PHF1: variants seen among roughly 807,000 people sequenced by gnomAD.
PHF1 encodes polycomb-like 1.
Under a neutral mutation model 69.4 loss-of-function variants are expected in PHF1, and 16 were observed. The ratio of observed to expected loss-of-function variants is 0.23; its 90% CI spans 0.16 to 0.35. The LOEUF is 0.35. Ranked by LOEUF, PHF1 falls within the 10% of genes least tolerant of loss-of-function variation. The pLI, the probability that PHF1 is intolerant of heterozygous loss-of-function variation, is 1.00. For missense variants in PHF1, 515 were observed against 732.8 expected (o/e 0.70, Z 3.43); for synonymous variants, 274 against 275.0 (o/e 1.00, Z 0.04).
Position 33,415,709 on chromosome 6 carries a change from C to T in PHF1, c.1415+39C>T, listed in dbSNP as rs766736003. ...TTCTATTACCAGTGATGCTCTTCTT[C>T]CCCTCTATGTGCTCAAGGCTCTTAG... is the stretch of plus-strand genomic sequence containing the variant. On this transcript the variant is annotated intron_variant, in intron 14 of 14. Coordinates refer to ENST00000374516, the MANE Select transcript of PHF1 (RefSeq NM_024165.3). 22 of 1,609,474 alleles carry T rather than the reference C, an allele frequency of 1.4e-5. No individual in the cohort carries two copies. The Admixed American group carries it at 3.3e-4, about 24-fold the overall frequency.
rs756793916 is a variant in PHF1 at position 33,414,529 on chromosome 6, A to G, written c.929A>G (p.Asn310Ser). Reference protein sequence around the residue: ...ERSSRLLSALNSHKDRFISGR... With the variant: ...ERSSRLLSALSSHKDRFISGR... ...TCTTCCAGGCTCCTCTCTGCTCTTA[A>G]CAGCCACAAGGACCGGTGAGTTGGA... The change falls in exon 10 of 15, where the codon AAC (asparagine) becomes AGC (serine). Residue 310 changes from asparagine to serine, a missense_variant. Physicochemically the swap from Asn to Ser is conservative, Grantham distance 46. Coordinates refer to ENST00000374516, the MANE Select transcript of PHF1 (RefSeq NM_024165.3). This position sits in a 1 kb window ranked among gnomAD's most constrained non-coding sequence, Gnocchi z 5.0. The G allele has an allele frequency of 1.2e-6, 2 of 1,613,734 alleles. No homozygotes were observed. Among genetic ancestry groups the G allele is most frequent in the African/African-American group, 1.3e-5 (1 of 74,890 alleles).
At position 33,413,597 on chromosome 6, in the gene PHF1, G is replaced by A. The variant is rs375421810; in HGVS notation, c.587+40G>A. On this transcript the variant is annotated intron_variant, in intron 6 of 14. Transcript: ENST00000374516. ...GGGAGCAGACTGTGGAATGAATGAT[G>A]TGGTGGTGGATCCCAGGAAATGAAG... The A allele has an allele frequency of 1.4e-4, 227 of 1,612,562 alleles. No individual in the cohort carries two copies. The Middle Eastern group carries it at 2.1e-3, about 15-fold the overall frequency.
In PHF1 at chr6:33,414,003, C is replaced by T. The variant is rs377166111; in HGVS notation, c.684-38C>T. 4.9e-5 allele frequency: 79 copies of T among 1,612,452 alleles called. No individual in the cohort carries two copies. The Middle Eastern group carries it at 8.9e-4, about 18-fold the overall frequency. On this transcript the variant is annotated intron_variant, in intron 7 of 14. Transcript: ENST00000374516. The surrounding 1 kb of genome is among the most constrained non-coding windows in gnomAD (Gnocchi z 5.0). ...TCTTCCAGGGGATGGCACAGTTTTC[C>T]TGTGTAAGTGTGTTTGCTCCCTCTT...
Position 33,414,900 on chromosome 6 carries a change from G to A in PHF1, c.1050-55G>A. ...CTGGGGGGTATATGTATAGAGATGG[G>A]GAGGTCTTGGGGGTGTCCGGGAGGG... is the stretch of plus-strand genomic sequence containing the variant. On this transcript the variant is annotated intron_variant, in intron 11 of 14. Transcript: ENST00000374516. The surrounding 1 kb of genome is among the most constrained non-coding windows in gnomAD (Gnocchi z 5.0). 1.3e-6 allele frequency: 2 copies of A among 1,543,466 alleles called. No individual in the cohort carries two copies. The highest frequency in any genetic ancestry group is 1.8e-6 in the Non-Finnish European group (2 of 1,141,292).
chr6:33,415,099 G>A lies in PHF1; in HGVS notation c.1194G>A (p.Glu398=), dbSNP rs757243741. ...GPPSAVRNQP[E]PQEQRERAHL... The stretch of plus-strand genomic sequence containing the variant: ...CCTCAGCAGTGCGCAATCAGCCCGA[G>A]CCCCAGGAGCAGAGGGAGCGGGCTC... The change falls in exon 12 of 15, where the codon GAG becomes GAA. Residue 398 remains glutamate, a synonymous_variant. Transcript: ENST00000374516. 31 of 1,613,348 alleles carry A rather than the reference G, an allele frequency of 1.9e-5. No individual in the cohort carries two copies. The highest frequency in any genetic ancestry group is 2.5e-5 in the Non-Finnish European group (30 of 1,179,664).
Position 33,414,697 on chromosome 6 carries a change from C to T in PHF1, c.945-28C>T. 1 of 1,584,302 alleles carries T rather than the reference C, an allele frequency of 6.3e-7. No individual in the cohort carries two copies. Among genetic ancestry groups the T allele is most frequent in the Non-Finnish European group, 8.7e-7 (1 of 1,153,760 alleles). ...GAGGAACCGTTTTTTACAGCACTGACCCTATATCATTTCTCTTCTTGCCCC... is the reference window on the plus strand; with the variant it reads ...GAGGAACCGTTTTTTACAGCACTGATCCTATATCATTTCTCTTCTTGCCCC... On this transcript the variant is annotated intron_variant, in intron 10 of 14. Coordinates refer to ENST00000374516, the MANE Select transcript of PHF1 (RefSeq NM_024165.3). The surrounding 1 kb of genome is among the most constrained non-coding windows in gnomAD (Gnocchi z 5.0).
chr6:33,414,643 G>A lies in PHF1; in HGVS notation c.945-82G>A, dbSNP rs1776304976. On this transcript the variant is annotated intron_variant, in intron 10 of 14. Transcript: ENST00000374516. This position sits in a 1 kb window ranked among gnomAD's most constrained non-coding sequence, Gnocchi z 5.0. The stretch of plus-strand genomic sequence containing the variant: ...GCTTGCAACCCACCTGGAAGACTGT[G>A]ACTGAAAAGGATTGAGGAATGGCGT... The A allele has an allele frequency of 7.0e-7, 1 of 1,431,532 alleles. No homozygotes were observed. Among genetic ancestry groups the A allele is most frequent in the Non-Finnish European group, 9.7e-7 (1 of 1,026,458 alleles). 88.7% of individuals were successfully genotyped at this position (1,431,532 alleles called of 1,614,324 possible).
Position 33,416,431 on chromosome 6 carries a change from A to G in PHF1, c.*333A>G, listed in dbSNP as rs1376768925. On this transcript the variant is annotated 3_prime_UTR_variant, in exon 15 of 15. Transcript: ENST00000374516. ...CTCTGTATGATTGAAATAAAGAGAAATAAACAAATCTAGCAGCTCTGAGTC... is the reference window on the plus strand; with the variant it reads ...CTCTGTATGATTGAAATAAAGAGAAGTAAACAAATCTAGCAGCTCTGAGTC... The G allele has an allele frequency of 5.4e-6, 3 of 555,784 alleles. No homozygotes were observed. The highest frequency in any genetic ancestry group is 9.7e-6 in the Non-Finnish European group (3 of 310,224). 34.4% of individuals were successfully genotyped at this position (555,784 alleles called of 1,614,324 possible).
At position 33,416,152 on chromosome 6, in the gene PHF1, T is replaced by C; in HGVS notation, c.*54T>C. ...CACACACACCGGCACTTTCATACCCTGACCTCTGACCTCACCTACAGCTGG... is the reference window on the plus strand; with the variant it reads ...CACACACACCGGCACTTTCATACCCCGACCTCTGACCTCACCTACAGCTGG... On this transcript the variant is annotated 3_prime_UTR_variant, in exon 15 of 15. Transcript: ENST00000374516. 3 of 1,399,782 alleles carry C rather than the reference T, an allele frequency of 2.1e-6. No individual in the cohort carries two copies. Among genetic ancestry groups the C allele is most frequent in the Non-Finnish European group, 2.9e-6 (3 of 1,044,642 alleles). The allele number at this position is 1,399,782 out of a possible 1,614,324, so 86.7% of individuals were successfully genotyped here. A position where few individuals can be genotyped will look rare whatever the true frequency, so the allele number is the denominator to read the frequency against.
chr6:33,413,120 A>G, intron 4 of PHF1, 76 bp from the exon 5 acceptor site: 1 of 1,243,368 alleles, frequency 8.0e-7, no homozygotes, highest in South Asian at 1.2e-5. Flanking sequence ...ATTAAATGAG[A>G]TGGGTAAAGA....
rs1776473059 is a variant in PHF1 at position 33,416,277 on chromosome 6, G to A, written c.*179G>A. 1 of 506,490 alleles carries A rather than the reference G, an allele frequency of 2.0e-6. No homozygotes were observed. The highest frequency in any genetic ancestry group is 3.4e-6 in the Non-Finnish European group (1 of 291,360). 31.4% of individuals were successfully genotyped at this position (506,490 alleles called of 1,614,324 possible). A position where few individuals can be genotyped will look rare whatever the true frequency, so the allele number is the denominator to read the frequency against. On this transcript the variant is annotated 3_prime_UTR_variant, in exon 15 of 15. Transcript: ENST00000374516. Reference sequence around the variant, plus strand: ...GGCCCTCTTCTCTACCCTCCTTCATGATTCCTGACCCCTCCCATCCTTCCC... The same window carrying A: ...GGCCCTCTTCTCTACCCTCCTTCATAATTCCTGACCCCTCCCATCCTTCCC...
Position 33,416,035 on chromosome 6 carries a change from G to C in PHF1, c.1641G>C (p.Arg547=), listed in dbSNP as rs886855003. ...SRGDPVRVLA[R]RVRPDGSVQY... ...GGGACCCTGTCCGGGTCCTTGCTCG[G>C]AGAGTACGGCCTGATGGCTCTGTGC... Residue 547 remains arginine (R), a synonymous_variant, in exon 15 of 15, where the codon CGG becomes CGC. Coordinates refer to ENST00000374516, the MANE Select transcript of PHF1 (RefSeq NM_024165.3). 24 of 1,611,100 alleles carry C rather than the reference G, an allele frequency of 1.5e-5. No homozygotes were observed. The highest frequency in any genetic ancestry group is 3.3e-5 in the Admixed American group (2 of 59,710).
rs1015818035 is a variant in PHF1, at chr6:33,414,850, G to A, written c.1049+21G>A. The A allele has an allele frequency of 1.9e-6, 3 of 1,603,956 alleles. No homozygotes were observed. The highest frequency in any genetic ancestry group is 1.3e-5 in the African/African-American group (1 of 74,456). ...ACCAGGTCACTGGTCCAGGGGGGAT[G>A]GGGGAAATTCTCAGGGTGTTAGTCC... is the stretch of plus-strand genomic sequence containing the variant. On this transcript the variant is annotated intron_variant, in intron 11 of 14. Transcript: ENST00000374516. This position sits in a 1 kb window ranked among gnomAD's most constrained non-coding sequence, Gnocchi z 5.0.
At position 33,416,230 on chromosome 6, in the gene PHF1, CAAG is replaced by C; in HGVS notation, c.*134_*136del. The C allele has an allele frequency of 1.4e-6, 1 of 717,100 alleles. No individual in the cohort carries two copies. Among genetic ancestry groups the C allele is most frequent in the Non-Finnish European group, 2.1e-6 (1 of 474,584 alleles). 44.4% of individuals were successfully genotyped at this position (717,100 alleles called of 1,614,324 possible). A position where few individuals can be genotyped will look rare whatever the true frequency, so the allele number is the denominator to read the frequency against. On this transcript the variant is annotated 3_prime_UTR_variant, in exon 15 of 15. Transcript: ENST00000374516. ...TCTCCCTACTGCCCAGGCTGGAATCCAAGAGTGGGGAGTGGGGAAGAGGCCCTC... is the reference window on the plus strand; with the variant it reads ...TCTCCCTACTGCCCAGGCTGGAATCCAGTGGGGAGTGGGGAAGAGGCCCTC...
rs775382376 is a variant in PHF1 at position 33,412,822 on chromosome 6, A to AG, written c.337+30dup. On this transcript the variant is annotated intron_variant, in intron 4 of 14. Transcript: ENST00000374516. The surrounding 1 kb of genome is among the most constrained non-coding windows in gnomAD (Gnocchi z 4.2). The stretch of plus-strand genomic sequence containing the variant: ...AGAGGGCAGGTCACCTGAATGGTCC[A>AG]GCTTGCTCTTCCCTCCAGGATGGTC... 1 of 1,578,014 alleles carries AG rather than the reference A, an allele frequency of 6.3e-7. No homozygotes were observed. Among genetic ancestry groups the AG allele is most frequent in the South Asian group, 1.1e-5 (1 of 90,346 alleles).
upstream of PHF1, chr6:33,410,570 G>GGGAGGGCGGGGTGGGGCTAACAGCGAGT (rs1562846437): frequency 2.1e-5 from 3 of 139,848 alleles, no homozygotes; most frequent in African/African-American, 5.4e-5. Flanking sequence ...ACTCGTCACG[G>GGGAGGGCGGGGTGGGGCTAACAGCGAGT]GGAGGGCGGG....
upstream of PHF1, chr6:33,410,570 G>GGGAGGGCGGGGCTGTGGCTAACAGCGAGT (rs1554300922): frequency 7.2e-6 from 1 of 139,846 alleles, no homozygotes; most frequent in South Asian, 2.4e-4. Context: ...ACTCGTCACG[G>GGGAGGGCGGGGCTGTGGCTAACAGCGAGT]GGAGGGCGGG....
Position 33,412,425 on chromosome 6 carries a change from A to C in PHF1, c.159+3A>C, listed in dbSNP as rs748454683. On this transcript the variant is annotated splice_donor_region_variant and intron_variant, in intron 2 of 14. Coordinates refer to ENST00000374516, the MANE Select transcript of PHF1 (RefSeq NM_024165.3). The surrounding 1 kb of genome is among the most constrained non-coding windows in gnomAD (Gnocchi z 4.2). Reference sequence around the variant, plus strand: ...TATACTTGGGTACCATCAAAAAGGTAAGACCTTCTACCTCTGACCTTCTTC... The same window carrying C: ...TATACTTGGGTACCATCAAAAAGGTCAGACCTTCTACCTCTGACCTTCTTC... The C allele has an allele frequency of 2.5e-6, 4 of 1,614,242 alleles. No individual in the cohort carries two copies. In the South Asian group the frequency reaches 4.4e-5, roughly 18 times the overall value.
Position 33,413,284 on chromosome 6 carries a change from G to A in PHF1, c.426G>A (p.Ala142=), listed in dbSNP as rs190362846. ...GGGTATGCCGCCAGTGTGTCTTTGCGATCGCCACCAAGGTAAAGGCACTTC... is the reference window on the plus strand; with the variant it reads ...GGGTATGCCGCCAGTGTGTCTTTGCAATCGCCACCAAGGTAAAGGCACTTC... ...TSWVCRQCVF[A]IATKRGGALK... The change falls in exon 5 of 15, where the codon GCG becomes GCA. Residue 142 remains alanine, a synonymous_variant. Transcript: ENST00000374516. 43 of 1,613,662 alleles carry A rather than the reference G, an allele frequency of 2.7e-5. No homozygotes were observed. The highest frequency in any genetic ancestry group is 3.5e-5 in the Non-Finnish European group (41 of 1,179,806).
Sources: allele counts gnomAD v4.1 joint callset, GRCh38; gene constraint gnomAD v4.1.1; non-coding constraint Gnocchi (gnomAD v3.1); transcripts MANE v1.5; gene names NCBI Gene and HGNC (gene_info 2026-07-23, HGNC 2026-07-21).